The following CNDP2 variants were observed in gnomAD, a reference collection of about 807,000 sequenced individuals.
The protein encoded by CNDP2 is carnosine dipeptidase 2, also known as cytosolic non-specific dipeptidase.
Under a neutral mutation model 55.0 loss-of-function variants are expected in CNDP2, and 38 were observed. The observed-to-expected ratio is 0.69, with a 90% CI of 0.53 to 0.90. CNDP2 has a LOEUF of 0.90. Ranked by LOEUF, CNDP2 falls within the 40% of genes least tolerant of loss-of-function variation. The pLI, the probability that CNDP2 is intolerant of heterozygous loss-of-function variation, is 0.00. For synonymous variants in CNDP2, 241 were observed against 260.2 expected (o/e 0.93, Z 0.71); for missense variants, 607 against 621.7 (o/e 0.98, Z 0.25).
At chr18:74,504,851 C>T (rs1978920580) in intron 3 of CNDP2, 1 of 152,192 alleles carries the variant, frequency 6.6e-6, no homozygotes, top group Non-Finnish European at 1.5e-5. Context: ...TACATGGCCA[C>T]AGGAGTTTTG....
In CNDP2 at chr18:74,510,895, G is replaced by C. The variant is rs34916325; in HGVS notation, c.539G>C (p.Arg180Pro). The stretch of plus-strand genomic sequence containing the variant: ...GGCCTAGACGAGCTGATTTTTGCCC[G>C]GAAAGACACATTCTTTAAGGATGTG... ...SEGLDELIFA[R>P]KDTFFKDVDY... Residue 180 changes from arginine (R) to proline (P), a missense_variant, in exon 6 of 12, where the codon CGG (arginine) becomes CCG (proline). Physicochemically the swap from Arg to Pro is moderately radical, Grantham distance 103 (BLOSUM62 -2). Transcript: ENST00000324262. The C allele has an allele frequency of 2.5e-6, 4 of 1,614,076 alleles. No homozygotes were observed. The highest frequency in any genetic ancestry group is 8.5e-7 in the Non-Finnish European group (1 of 1,179,994).
rs1395976364 is a variant in CNDP2 at position 74,511,015 on chromosome 18, T to C, written c.657+2T>C. 1.2e-6 allele frequency: 2 copies of C among 1,613,360 alleles called. No homozygotes were observed. Among genetic ancestry groups the C allele is most frequent in the Non-Finnish European group, 1.7e-6 (2 of 1,179,528 alleles). ...GGCATTTGCTACTTTTTCATCGAGG[T>C]ACAGTGCCAAGCTGTACGGGTCACT... On this transcript the variant is annotated splice_donor_variant, in intron 6 of 11. Transcript: ENST00000324262. LOFTEE classifies it high-confidence loss of function.
intron 9 of CNDP2, chr18:74,517,460 T>A (rs1979747271): frequency 1.3e-5 from 2 of 152,166 alleles, no homozygotes; most frequent in African/African-American, 4.8e-5. Context: ...CAAGCCACAC[T>A]GAGCCTCGGT....
intron 3 of CNDP2, among the ~76,000 whole-genome samples, chr18:74,505,635 A>G (rs75411650): frequency 0.019 from 2,946 of 152,174 alleles, 102 homozygotes; most frequent in African/African-American, 0.068. Context: ...ACTGCCTGCA[A>G]TTGGCAAACA....
At position 74,506,000 on chromosome 18, in the gene CNDP2, T is replaced by C; in HGVS notation, c.356T>C (p.Val119Ala). ...TGGGACAGCGAGCCCTTCACCCTGG[T>C]GGAGCGAGACGGTGAGCGCCGCGCG... The part of the protein sequence containing the change: ...DGWDSEPFTL[V>A]ERDGKLYGRG... The change falls in exon 4 of 12, where the codon GTG becomes GCG. Residue 119 changes from valine to alanine, a missense_variant. Val to Ala is a moderately conservative substitution (Grantham distance 64). Coordinates refer to ENST00000324262, the MANE Select transcript of CNDP2 (RefSeq NM_018235.3). The C allele has an allele frequency of 1.3e-6, 2 of 1,591,896 alleles. No homozygotes were observed. The highest frequency in any genetic ancestry group is 1.7e-6 in the Non-Finnish European group (2 of 1,172,776).
chr18:74,516,517 C>G lies in CNDP2; in HGVS notation c.1068+125C>G, dbSNP rs957585364. ...CATGCCCCCGCTTCCTGGCTCTGGC[C>G]AAGTCAGTAATTATGACAGTCACGG... On this transcript the variant is annotated intron_variant, in intron 9 of 11. Coordinates refer to ENST00000324262, the MANE Select transcript of CNDP2 (RefSeq NM_018235.3). 9.1e-5 allele frequency: 83 copies of G among 913,882 alleles called. 1 individual carries two copies. In the South Asian group the frequency reaches 1.0e-3, roughly 11 times the overall value. The allele number at this position is 913,882 out of a possible 1,614,324, so 56.6% of individuals were successfully genotyped here.
intron 5 of CNDP2, among the ~76,000 whole-genome samples, chr18:74,510,340 T>A (rs1979270599): frequency 6.6e-6 from 1 of 151,810 alleles, no homozygotes; most frequent in African/African-American, 2.4e-5. Context: ...GGGGTCAGAG[T>A]CGGGAGAGCA....
At chr18:74,508,695 G>T in intron 4 of CNDP2, 145 bp from the exon 5 acceptor site, 1 of 634,420 alleles carries the variant, frequency 1.6e-6, no homozygotes, top group Non-Finnish European at 2.8e-6. Context: ...CGATAGTGTT[G>T]GGTGGAAATT....
rs757377151 is a variant in CNDP2, at chr18:74,501,538, G to A, written c.204+66G>A. 6.7e-5 allele frequency: 102 copies of A among 1,518,748 alleles called. 1 individual carries two copies. Among genetic ancestry groups the A allele is most frequent in the South Asian group, 3.6e-4 (28 of 77,404 alleles). The allele number at this position is 1,518,748 out of a possible 1,614,324, so 94.1% of individuals were successfully genotyped here. A position where few individuals can be genotyped will look rare whatever the true frequency, so the allele number is the denominator to read the frequency against. ...ATTCTGCCTGAGGGGTTGACAAGAC[G>A]CCACAAGTTCTTAAAAGATCTTTTG... On this transcript the variant is annotated intron_variant, in intron 3 of 11. Transcript: ENST00000324262.
In CNDP2 at chr18:74,513,553, C is replaced by T. The variant is rs775897537; in HGVS notation, c.743-6C>T. On this transcript the variant is annotated splice_region_variant and splice_polypyrimidine_tract_variant and intron_variant, in intron 7 of 11. Transcript: ENST00000324262. ...GAGTGCTGTAACCCTCTCCGGCTTC[C>T]CTCAGGCTCTTTGGTGGACAAGAGG... 6.2e-7 allele frequency: 1 copy of T among 1,610,612 alleles called. No individual in the cohort carries two copies. Among genetic ancestry groups the T allele is most frequent in the Non-Finnish European group, 8.5e-7 (1 of 1,178,894 alleles).
At chr18:74,510,782 A>AATATCCAC in intron 5 of CNDP2, 31 bp from the exon 6 acceptor site, 1 of 1,588,206 alleles carries the variant, frequency 6.3e-7, no homozygotes, top group South Asian at 1.1e-5. Context: ...CGCAAAGCTG[A>AATATCCAC]ATATCCACTC....
chr18:74,497,306 T>G (rs1483766123), intron 1 of CNDP2, among the ~76,000 whole-genome samples: 1 of 152,152 alleles, frequency 6.6e-6, no homozygotes, highest in Non-Finnish European at 1.5e-5. Flanking sequence ...AGATTGGAGA[T>G]TCTTTTATTG....
At chr18:74,519,977 A>G (rs1979957827) in intron 11 of CNDP2, 22 bp from the exon 12 acceptor site, 2 of 1,607,920 alleles carry the variant, frequency 1.2e-6, no homozygotes, top group African/African-American at 1.3e-5. Flanking sequence ...AGCCAACACA[A>G]TGATGTGTTC....
At position 74,521,525 on chromosome 18, in the gene CNDP2, C is replaced by A. The variant is rs1003123607; in HGVS notation, c.*1457C>A. Reference sequence around the variant, plus strand: ...TCACATCGGAACGTAAGGATGCGCTCCTGAGGGCGTGGGGCTGCGTCCAAG... The same window carrying A: ...TCACATCGGAACGTAAGGATGCGCTACTGAGGGCGTGGGGCTGCGTCCAAG... On this transcript the variant is annotated 3_prime_UTR_variant, in exon 12 of 12. Coordinates refer to ENST00000324262, the MANE Select transcript of CNDP2 (RefSeq NM_018235.3). 3.9e-5 allele frequency: 6 copies of A among 152,212 alleles called. No individual in the cohort carries two copies. Among genetic ancestry groups the A allele is most frequent in the African/African-American group, 1.4e-4 (6 of 41,432 alleles). The allele number at this position is 152,212 out of a possible 1,614,324, so 9.4% of individuals were successfully genotyped here.
intron 3 of CNDP2, among the ~76,000 whole-genome samples, chr18:74,503,314 G>A (rs1017845514): frequency 4.6e-5 from 7 of 152,136 alleles, no homozygotes. Flanking sequence ...AGATGCTTGC[G>A]GTGTGGGGTG....
In CNDP2 at chr18:74,503,073, G is replaced by GTTTTT. The variant is rs72527615; in HGVS notation, c.204+1610_204+1614dup. On this transcript the variant is annotated intron_variant, in intron 3 of 11. Coordinates refer to ENST00000324262, the MANE Select transcript of CNDP2 (RefSeq NM_018235.3). ...GGTCAGACTCACCTTGCTCCCTTTC[G>GTTTTT]TTTTTTTTTTTTTCCTAATATATTG... 2.4e-3 allele frequency among the ~76,000 whole-genome samples: 347 copies of GTTTTT among 142,180 alleles called. 9 individuals carry two copies. The highest frequency in any genetic ancestry group is 3.5e-3 in the Middle Eastern group (1 of 284). The allele number at this position is 142,180 out of a possible 152,430, so 93.3% of individuals were successfully genotyped here. A position where few individuals can be genotyped will look rare whatever the true frequency, so the allele number is the denominator to read the frequency against.
chr18:74,499,771 T>G (rs1245796084), intron 1 of CNDP2, 111 bp from the exon 2 acceptor site: 1 of 450,006 alleles, frequency 2.2e-6, no homozygotes, highest in Non-Finnish European at 4.0e-6. Context: ...CCCAAAGTTT[T>G]TGTCTCTGAA....
intron 3 of CNDP2, among the ~76,000 whole-genome samples, chr18:74,504,247 C>T (rs1196028829): frequency 9.5e-5 from 14 of 148,070 alleles, no homozygotes; most frequent in African/African-American, 3.0e-4. Flanking sequence ...GCCACAGTGC[C>T]GCTGGGACAA....
Position 74,499,908 on chromosome 18 carries a change from A to C in CNDP2, c.-66A>C. On this transcript the variant is annotated 5_prime_UTR_variant, in exon 2 of 12. Coordinates refer to ENST00000324262, the MANE Select transcript of CNDP2 (RefSeq NM_018235.3). ...TCGCCCCTCAGTCTCCACTAGAGAC[A>C]GGACTGACCAGTTGCTCTTCCTTCC... 2 of 1,452,370 alleles carry C rather than the reference A, an allele frequency of 1.4e-6. No individual in the cohort carries two copies. Among genetic ancestry groups the C allele is most frequent in the South Asian group, 2.3e-5 (2 of 87,032 alleles). The allele number at this position is 1,452,370 out of a possible 1,614,324, so 90.0% of individuals were successfully genotyped here. A position where few individuals can be genotyped will look rare whatever the true frequency, so the allele number is the denominator to read the frequency against.
Sources: allele counts gnomAD v4.1 joint callset (sites outside exome capture counted in the v4.1 genomes callset), GRCh38; gene constraint gnomAD v4.1.1; transcripts MANE v1.5; gene names NCBI Gene and HGNC (gene_info 2026-07-23, HGNC 2026-07-21).